The following CSMD1 variants were observed in gnomAD, a reference collection of about 807,000 sequenced individuals.
CSMD1 encodes the protein CUB and Sushi multiple domains 1, also known as CUB and sushi domain-containing protein 1.
CSMD1 carries 213 observed loss-of-function variants against 417.5 expected under a neutral mutation model. The ratio of observed to expected loss-of-function variants is 0.51; its 90% CI spans 0.46 to 0.57. CSMD1 has a LOEUF of 0.57. CSMD1 is among the 20% of genes least tolerant of loss of function. CSMD1 has a pLI of 0.00. For synonymous variants in CSMD1, 2,862 were observed against 1,736.8 expected (o/e 1.65, Z -16.11); for missense variants, 6,923 against 4,529.7 (o/e 1.53, Z -15.17).
chr8:3,509,825 G>C (rs78399932), intron 10 of CSMD1, among the ~76,000 whole-genome samples: 1 of 152,124 alleles, frequency 6.6e-6, no homozygotes, highest in African/African-American at 2.4e-5. Context: ...CCAGGTGTGA[G>C]GCTAGCTGTT....
chr8:4,385,402 G>A (rs1410004340), intron 3 of CSMD1, among the ~76,000 whole-genome samples: 2 of 152,186 alleles, frequency 1.3e-5, no homozygotes, highest in Non-Finnish European at 2.9e-5. Context: ...AAGGGCAAAT[G>A]CATGCACTTG....
chr8:4,279,967 A>C (rs1438728316), intron 3 of CSMD1, among the ~76,000 whole-genome samples: 2 of 152,242 alleles, frequency 1.3e-5, no homozygotes, highest in Non-Finnish European at 2.9e-5. Flanking sequence ...CAAGAACATC[A>C]AAGGATACTG....
At chr8:4,127,412 A>G (rs1036449055) in intron 3 of CSMD1, among the ~76,000 whole-genome samples, 1 of 150,436 alleles carries the variant, frequency 6.6e-6, no homozygotes, top group African/African-American at 2.4e-5. Flanking sequence ...AATCTAAACC[A>G]ACCACCTTTT....
intron 5 of CSMD1, among the ~76,000 whole-genome samples, chr8:3,807,052 G>A (rs1342499224): frequency 6.6e-6 from 1 of 152,064 alleles, no homozygotes; most frequent in Non-Finnish European, 1.5e-5. Flanking sequence ...TCACAAGTCT[G>A]GTAGCTTAAT....
intron 3 of CSMD1, among the ~76,000 whole-genome samples, chr8:4,064,088 G>A (rs1016174436): frequency 3.9e-5 from 6 of 152,188 alleles, no homozygotes; most frequent in African/African-American, 9.6e-5. Flanking sequence ...CATGTGAAAT[G>A]CGAATCTACT....
chr8:4,754,104 A>G (rs1811517001), intron 1 of CSMD1, among the ~76,000 whole-genome samples: 1 of 152,210 alleles, frequency 6.6e-6, no homozygotes. Flanking sequence ...TATGAATCGT[A>G]TGTTACATTA....
chr8:3,631,192 A>T (rs1257537860), intron 7 of CSMD1, among the ~76,000 whole-genome samples: 1 of 152,122 alleles, frequency 6.6e-6, no homozygotes, highest in Non-Finnish European at 1.5e-5. Context: ...CCCCTTCTCT[A>T]TCTACCTGCT....
chr8:4,759,048 T>A (rs1760143957), intron 1 of CSMD1, among the ~76,000 whole-genome samples: 1 of 152,194 alleles, frequency 6.6e-6, no homozygotes, highest in Non-Finnish European at 1.5e-5. Flanking sequence ...GGAGTTGATG[T>A]GCAGAAAAGT....
At chr8:4,326,212 G>T (rs113856089) in intron 3 of CSMD1, among the ~76,000 whole-genome samples, 16 of 152,256 alleles carry the variant, frequency 1.1e-4, no homozygotes, top group African/African-American at 3.6e-4. Context: ...GCCGATTTGG[G>T]AACACTGCTT....
intron 5 of CSMD1, among the ~76,000 whole-genome samples, chr8:3,863,320 C>T (rs1267959148): frequency 6.6e-6 from 1 of 151,282 alleles, no homozygotes. Flanking sequence ...TCGCTTGAAC[C>T]CAGGAGATGG....
chr8:2,973,384 G>C, intron 56 of CSMD1, 85 bp from the exon 57 acceptor site: 1 of 1,372,832 alleles, frequency 7.3e-7, no homozygotes, highest in African/African-American at 1.4e-5. Context: ...ATAATGAAAA[G>C]TTGTTGAAAT....
intron 8 of CSMD1, among the ~76,000 whole-genome samples, chr8:3,589,102 G>C (rs1800730450): frequency 6.6e-6 from 1 of 152,134 alleles, no homozygotes; most frequent in Non-Finnish European, 1.5e-5. Context: ...AGGATGTGGA[G>C]AAAAGGGAAC....
intron 3 of CSMD1, among the ~76,000 whole-genome samples, chr8:4,379,643 T>C (rs1365731439): frequency 6.6e-6 from 1 of 151,410 alleles, no homozygotes; most frequent in African/African-American, 2.4e-5. Context: ...CCAAAATGAG[T>C]CTGCTGGACT....
intron 41 of CSMD1, among the ~76,000 whole-genome samples, chr8:3,134,098 G>A (rs915198763): frequency 1.3e-5 from 2 of 152,030 alleles, no homozygotes; most frequent in African/African-American, 4.8e-5. Context: ...CTTGAACCAG[G>A]GAGTTAGAGG....
intron 2 of CSMD1, among the ~76,000 whole-genome samples, chr8:4,635,116 G>A (rs1181490843): frequency 2.0e-5 from 3 of 151,992 alleles, no homozygotes; most frequent in Admixed American, 6.6e-5. Flanking sequence ...AAAAATTGTC[G>A]GTAACTGAGT....
intron 41 of CSMD1, among the ~76,000 whole-genome samples, chr8:3,138,065 A>C (rs1818211600): frequency 6.6e-6 from 1 of 151,704 alleles, no homozygotes; most frequent in Admixed American, 6.6e-5. Context: ...GTCTCTACTA[A>C]AAATAAAAAA....
At chr8:4,301,489 A>G (rs906427610) in intron 3 of CSMD1, among the ~76,000 whole-genome samples, 2 of 152,204 alleles carry the variant, frequency 1.3e-5, no homozygotes, top group African/African-American at 4.8e-5. Flanking sequence ...TGCCACTTGC[A>G]TAAGATCTCT....
Position 3,106,593 on chromosome 8 carries a change from G to C in CSMD1, c.6884C>G (p.Thr2295Ser), listed in dbSNP as rs369436908. 19 of 1,613,640 alleles carry C rather than the reference G, an allele frequency of 1.2e-5. No homozygotes were observed. Among genetic ancestry groups the C allele is most frequent in the Middle Eastern group, 1.6e-4 (1 of 6,084 alleles). The change falls in exon 46 of 70, where the codon ACC (threonine) becomes AGC (serine). Residue 2295 changes from threonine to serine, a missense_variant. Transcript: ENST00000635120. ...QCHPGYTLVG[T>S]DILTCKLSSQ... The stretch of plus-strand genomic sequence containing the variant: ...ACTGAGCTTGCAAGTCAGAATGTCG[G>C]TCCCCACCAAGGTGTACCCGGGGTG...
chr8:4,554,242 T>C (rs373231423), intron 2 of CSMD1, among the ~76,000 whole-genome samples: 26 of 152,164 alleles, frequency 1.7e-4, no homozygotes, highest in African/African-American at 5.8e-4. Flanking sequence ...GTTCAAGTGA[T>C]TCTCCTGACT....
Sources: allele counts gnomAD v4.1 joint callset (sites outside exome capture counted in the v4.1 genomes callset), GRCh38; gene constraint gnomAD v4.1.1; transcripts MANE v1.5; gene names NCBI Gene and HGNC (gene_info 2026-07-23, HGNC 2026-07-21).